Variants in RGL4 observed in about 807,000 individuals in gnomAD.
RGL4 encodes the protein ral guanine nucleotide dissociation stimulator like 4.
A neutral mutation model predicts 49.6 loss-of-function variants in RGL4; 41 were observed. The ratio of observed to expected loss-of-function variants is 0.83; its 90% CI spans 0.64 to 1.07. The LOEUF is 1.07. RGL4 is among the 50% of genes least tolerant of loss of function. RGL4 has a pLI of 0.00. For missense variants in RGL4, 610 were observed against 591.9 expected, an observed-to-expected ratio of 1.03 and a Z score of -0.32; for synonymous variants, 255 against 238.0, an observed-to-expected ratio of 1.07 and a Z score of -0.66.
At position 23,697,263 on chromosome 22, in the gene RGL4, A is replaced by G; in HGVS notation, c.1236+18A>G. On this transcript the variant is annotated intron_variant, in intron 8 of 10. Coordinates refer to ENST00000290691, the MANE Select transcript of RGL4 (RefSeq NM_153615.2). ...ACCTGGATGTGAGTGAGCCTGGGGC[A>G]GGGTGCTTGGGAACCAAGATCCTGA... 6.2e-7 allele frequency: 1 copy of G among 1,605,674 alleles called. No individual in the cohort carries two copies. Among genetic ancestry groups the G allele is most frequent in the South Asian group, 1.1e-5 (1 of 90,738 alleles).
At chr22:23,697,074 C>T in intron 7 of RGL4, 97 bp from the exon 8 acceptor site, 1 of 914,718 alleles carries the variant, frequency 1.1e-6, no homozygotes, top group Admixed American at 2.2e-5. Flanking sequence ...GAGACAGGGG[C>T]TGATGGGATT....
Position 23,695,367 on chromosome 22 carries a change from G to A in RGL4, c.1086+348G>A, listed in dbSNP as rs1173333896. On this transcript the variant is annotated intron_variant, in intron 6 of 10. Transcript: ENST00000290691. Reference sequence around the variant, plus strand: ...CTGGCATGGAGCTTCCTCCAGGCTGGAGGGTGATCATGGTAGGTGGGACTT... The same window carrying A: ...CTGGCATGGAGCTTCCTCCAGGCTGAAGGGTGATCATGGTAGGTGGGACTT... 1.7e-5 allele frequency: 8 copies of A among 481,524 alleles called. No homozygotes were observed. The East Asian group carries it at 5.0e-4, about 30-fold the overall frequency. The allele number at this position is 481,524 out of a possible 1,614,324, so 29.8% of individuals were successfully genotyped here.
In RGL4 at chr22:23,694,966, C is replaced by A. The variant is rs751153831; in HGVS notation, c.1033C>A (p.Leu345Ile). The A allele has an allele frequency of 1.4e-5, 22 of 1,613,210 alleles. No individual in the cohort carries two copies. The highest frequency in any genetic ancestry group is 1.8e-5 in the Non-Finnish European group (21 of 1,179,454). Residue 345 changes from leucine (L) to isoleucine (I), a missense_variant, in exon 6 of 11, where the codon CTA becomes ATA. Transcript: ENST00000290691. ...TGCCCATAGCAAAAGCATGAAAGAG[C>A]TAAAAGAACTCTGCAAAAAAGACAC... ...AGVSSKSMKELKELCKKDTAV... is the reference protein window; with the variant it reads ...AGVSSKSMKEIKELCKKDTAV...
rs371597391 is a variant in RGL4 at position 23,696,654 on chromosome 22, A to T, written c.1127A>T (p.Gln376Leu). The change falls in exon 7 of 11, where the codon CAG (glutamine) becomes CTG (leucine). Residue 376 changes from glutamine (Q) to leucine (L), a missense_variant. By Grantham distance (113) the Gln-to-Leu change is moderately radical. Coordinates refer to ENST00000290691, the MANE Select transcript of RGL4 (RefSeq NM_153615.2). ...FKVATQERNP[Q>L]RVQMRLRRQK... Reference sequence around the variant, plus strand: ...GTGGCCACCCAGGAGAGGAACCCCCAGAGAGTCCAGATGAGGCTGCGGAGG... The same window carrying T: ...GTGGCCACCCAGGAGAGGAACCCCCTGAGAGTCCAGATGAGGCTGCGGAGG... 5.0e-5 allele frequency: 81 copies of T among 1,613,594 alleles called. No individual in the cohort carries two copies. Among genetic ancestry groups the T allele is most frequent in the Admixed American group, 4.2e-4 (25 of 59,992 alleles).
rs1601282247 is a variant in RGL4, at chr22:23,691,122, G to C, written c.-909G>C. ...TGATCTAAGACACAGCAAACAAAGG[G>C]GTCCCTAGAGCCTAAAACTCTGGAA... On this transcript the variant is annotated 5_prime_UTR_variant, in exon 1 of 11. Transcript: ENST00000290691. 2 of 152,124 alleles carry C rather than the reference G, an allele frequency of 1.3e-5. No individual in the cohort carries two copies. The highest frequency in any genetic ancestry group is 4.8e-5 in the African/African-American group (2 of 41,424). 9.4% of individuals were successfully genotyped at this position (152,124 alleles called of 1,614,324 possible).
At chr22:23,694,478 T>A in intron 5 of RGL4, 28 bp downstream of exon 5, 1 of 1,520,466 alleles carries the variant, frequency 6.6e-7, no homozygotes, top group Non-Finnish European at 9.1e-7. Context: ...CATGGCAGCA[T>A]CAGGGTTGAC....
rs1002687053 is a variant in RGL4, at chr22:23,691,690, G to T, written c.-341G>T. The T allele has an allele frequency of 5.2e-5, 13 of 248,214 alleles. No homozygotes were observed. Among genetic ancestry groups the T allele is most frequent in the African/African-American group, 2.8e-4 (13 of 46,010 alleles). The allele number at this position is 248,214 out of a possible 1,614,324, so 15.4% of individuals were successfully genotyped here. A position where few individuals can be genotyped will look rare whatever the true frequency, so the allele number is the denominator to read the frequency against. On this transcript the variant is annotated 5_prime_UTR_variant, in exon 1 of 11. Coordinates refer to ENST00000290691, the MANE Select transcript of RGL4 (RefSeq NM_153615.2). ...CCCAGCAACAAATATAAACTGGGTG[G>T]ATTTAGGGTTCTGAAGGGCCTTTTC...
chr22:23,697,851 AGAG>A lies in RGL4; in HGVS notation c.1254_1256del (p.Arg418del). 1 of 1,607,512 alleles carries A rather than the reference AGAG, an allele frequency of 6.2e-7. No homozygotes were observed. Among genetic ancestry groups the A allele is most frequent in the Non-Finnish European group, 8.5e-7 (1 of 1,177,718 alleles). ...TCTGCCTTCCAGGGCAACACCAACA[AGAG>A]GAGCAAGGTGAGCAGCTGGGGCACT... On this transcript the variant is annotated inframe_deletion, in exon 9 of 11. Coordinates refer to ENST00000290691, the MANE Select transcript of RGL4 (RefSeq NM_153615.2).
rs758487030 is a variant in RGL4, at chr22:23,698,272, C to T, written c.1321C>T (p.Arg441Trp). Residue 441 changes from arginine (R) to tryptophan (W), a missense_variant, in exon 10 of 11, where the codon CGG (arginine) becomes TGG (tryptophan). Coordinates refer to ENST00000290691, the MANE Select transcript of RGL4 (RefSeq NM_153615.2). ...LQVAAMNYRL[R>W]PLEKFVTYFT... is the part of the protein sequence containing the mutation. The stretch of plus-strand genomic sequence containing the variant: ...AGTGGCTGCCATGAATTACAGGCTT[C>T]GGCCTCTTGAGAAATTTGTCACCTA... The T allele has an allele frequency of 1.2e-5, 20 of 1,612,174 alleles. No homozygotes were observed. Among genetic ancestry groups the T allele is most frequent in the Non-Finnish European group, 1.5e-5 (18 of 1,178,478 alleles).
rs771411624 is a variant in RGL4 at position 23,696,680 on chromosome 22, CAGA to C, written c.1159_1161del (p.Lys387del). The stretch of plus-strand genomic sequence containing the variant: ...GAGAGTCCAGATGAGGCTGCGGAGG[CAGA>C]AGAAGGTGAGTGAGCCTGTGGCATG... On this transcript the variant is annotated inframe_deletion, in exon 7 of 11. Transcript: ENST00000290691. 10 of 1,612,832 alleles carry C rather than the reference CAGA, an allele frequency of 6.2e-6. No individual in the cohort carries two copies. Among genetic ancestry groups the C allele is most frequent in the East Asian group, 4.5e-5 (2 of 44,888 alleles).
At chr22:23,692,279 G>A in intron 1 of RGL4, 56 bp from the exon 2 acceptor site, 3 of 1,608,578 alleles carry the variant, frequency 1.9e-6, no homozygotes, top group East Asian at 2.2e-5. Context: ...GGGTGCCCTG[G>A]AGGGTTGTGT....
Position 23,696,593 on chromosome 22 carries a change from CCT to C in RGL4, c.1087-20_1087-19del. 1 of 1,613,586 alleles carries C rather than the reference CCT, an allele frequency of 6.2e-7. No homozygotes were observed. The highest frequency in any genetic ancestry group is 8.5e-7 in the Non-Finnish European group (1 of 1,179,714). On this transcript the variant is annotated intron_variant, in intron 6 of 10. Transcript: ENST00000290691. The stretch of plus-strand genomic sequence containing the variant: ...GGGAGAGGAGGAGAGCCTCACTGTC[CCT>C]GTCGCTGACACCTGGCAGGCGGGGA...
At chr22:23,696,262 C>T in intron 6 of RGL4, 1 of 1,197,370 alleles carries the variant, frequency 8.4e-7, no homozygotes, top group Non-Finnish European at 1.1e-6. Context: ...GCAGGCCTCA[C>T]AGGGTAGAAA....
rs751964297 is a variant in RGL4, at chr22:23,691,716, A to G, written c.-315A>G. ...ATTTAGGGTTCTGAAGGGCCTTTTCACCCACAAAACATGGGGGAAAATATG... is the reference window on the plus strand; with the variant it reads ...ATTTAGGGTTCTGAAGGGCCTTTTCGCCCACAAAACATGGGGGAAAATATG... On this transcript the variant is annotated 5_prime_UTR_variant, in exon 1 of 11. Transcript: ENST00000290691. 1.7e-5 allele frequency: 5 copies of G among 286,022 alleles called. No homozygotes were observed. Among genetic ancestry groups the G allele is most frequent in the Admixed American group, 4.4e-5 (1 of 22,668 alleles). 17.7% of individuals were successfully genotyped at this position (286,022 alleles called of 1,614,324 possible). A position where few individuals can be genotyped will look rare whatever the true frequency, so the allele number is the denominator to read the frequency against.
At position 23,694,715 on chromosome 22, in the gene RGL4, C is replaced by A. The variant is rs1923370996; in HGVS notation, c.1017-235C>A. Reference sequence around the variant, plus strand: ...TGTACCCAGCAGTGGAACTCTGTGTCCAGCTGAAAGCTAACTGTAAACACG... The same window carrying A: ...TGTACCCAGCAGTGGAACTCTGTGTACAGCTGAAAGCTAACTGTAAACACG... On this transcript the variant is annotated intron_variant, in intron 5 of 10. Transcript: ENST00000290691. The A allele has an allele frequency of 5.1e-6, 3 of 593,942 alleles. No homozygotes were observed. In the South Asian group the frequency reaches 6.0e-5, roughly 12 times the overall value. 36.8% of individuals were successfully genotyped at this position (593,942 alleles called of 1,614,324 possible).
chr22:23,698,617 C>T, intron 10 of RGL4: 1 of 735,760 alleles, frequency 1.4e-6, no homozygotes, highest in Non-Finnish European at 2.4e-6. Context: ...ATCCACCCAC[C>T]TCAGCCTCCC....
rs746349161 is a variant in RGL4 at position 23,698,292 on chromosome 22, C to T, written c.1341C>T (p.Val447=). Reference sequence around the variant, plus strand: ...GGCTTCGGCCTCTTGAGAAATTTGTCACCTATTTCACAAGAATGGAGCAGC... The same window carrying T: ...GGCTTCGGCCTCTTGAGAAATTTGTTACCTATTTCACAAGAATGGAGCAGC... ...NYRLRPLEKF[V]TYFTRMEQLS... The change falls in exon 10 of 11, where the codon GTC becomes GTT. Residue 447 remains valine (V), a synonymous_variant. Transcript: ENST00000290691. 4.3e-6 allele frequency: 7 copies of T among 1,611,576 alleles called. No individual in the cohort carries two copies. Among genetic ancestry groups the T allele is most frequent in the East Asian group, 2.2e-5 (1 of 44,790 alleles).
At chr22:23,694,903 C>A in intron 5 of RGL4, 47 bp from the exon 6 acceptor site, 1 of 1,454,704 alleles carries the variant, frequency 6.9e-7, no homozygotes, top group Non-Finnish European at 9.6e-7. Context: ...ACTCACAAAT[C>A]TCCCCTGATT....
At chr22:23,696,162 C>T (rs1018415918) in intron 6 of RGL4, among the ~76,000 whole-genome samples, 6 of 152,178 alleles carry the variant, frequency 3.9e-5, no homozygotes, top group Admixed American at 6.5e-5. Context: ...CAGAAGGAGG[C>T]GTCCTCTCTT....
Sources: gnomAD v4.1 joint callset for allele counts (sites outside exome capture counted in the v4.1 genomes callset) on GRCh38, gnomAD v4.1.1 for gene constraint, MANE v1.5 for transcripts, NCBI Gene and HGNC (gene_info 2026-07-23, HGNC 2026-07-21) for gene names.